The following ATIC variants were observed in gnomAD, a reference collection of about 807,000 sequenced individuals.
ATIC encodes the protein bifunctional purine biosynthesis protein ATIC.
ATIC carries 64 observed loss-of-function variants against 72.5 expected under a neutral mutation model. The ratio of observed to expected loss-of-function variants is 0.88; its 90% CI spans 0.72 to 1.09. The LOEUF (loss-of-function observed/expected upper bound fraction) is 1.09, where lower values mean the gene tolerates loss of function less well. Among genes scored for constraint, ATIC ranks in the 50% least tolerant of loss-of-function variants. ATIC has a pLI of 0.00. For synonymous variants in ATIC, 281 were observed against 267.1 expected (o/e 1.05, Z -0.51); for missense variants, 787 against 732.4 (o/e 1.07, Z -0.86).
In ATIC at chr2:215,319,691, G is replaced by A; in HGVS notation, c.250G>A (p.Asp84Asn). 6.2e-7 allele frequency: 1 copy of A among 1,612,272 alleles called. No individual in the cohort carries two copies. The highest frequency in any genetic ancestry group is 8.5e-7 in the Non-Finnish European group (1 of 1,178,404). ...AGILARNIPE[D>N]NADMARLDFN... The stretch of plus-strand genomic sequence containing the variant: ...AATCCTAGCTCGTAATATTCCAGAA[G>A]ATAATGCTGACATGGCCAGACTTGA... The change falls in exon 4 of 16, where the codon GAT (aspartate) becomes AAT (asparagine). Residue 84 changes from aspartate to asparagine, a missense_variant. Asp to Asn is a conservative substitution (Grantham distance 23, BLOSUM62 1). Coordinates refer to ENST00000236959, the MANE Select transcript of ATIC (RefSeq NM_004044.7).
intron 2 of ATIC, among the ~76,000 whole-genome samples, chr2:215,317,612 A>G (rs1269126517): frequency 2.0e-5 from 3 of 152,012 alleles, no homozygotes; most frequent in African/African-American, 4.8e-5. Flanking sequence ...CAGCCTCCCC[A>G]GTAGCTGGGA....
At chr2:215,360,987 A>G in the ATIC span, 1 of 156,738 alleles carries the variant, frequency 6.4e-6, no homozygotes, top group East Asian at 1.9e-4. Context: ...CTGCATACTA[A>G]GTGTTTTCAA....
intron 8 of ATIC, 112 bp from the exon 9 acceptor site, chr2:215,333,238 C>T (rs986277621): frequency 4.8e-6 from 4 of 832,186 alleles, no homozygotes; most frequent in Admixed American, 1.9e-5. Context: ...TTAGCACAGG[C>T]ACTAGAAAAT....
intron 2 of ATIC, among the ~76,000 whole-genome samples, chr2:215,315,952 C>T (rs2105990621): frequency 6.8e-6 from 1 of 147,070 alleles, no homozygotes; most frequent in Non-Finnish European, 1.5e-5. Flanking sequence ...GAAACACTGT[C>T]TCAAAAAAAA....
chr2:215,325,712 AC>A (rs919954290), intron 5 of ATIC, among the ~76,000 whole-genome samples: 4 of 151,982 alleles, frequency 2.6e-5, no homozygotes, highest in Non-Finnish European at 5.9e-5. Flanking sequence ...ACAGGTGCAC[AC>A]CACCACGCCT....
At chr2:215,328,618 A>ACTTT (rs2052855724) in intron 7 of ATIC, among the ~76,000 whole-genome samples, 1 of 152,048 alleles carries the variant, frequency 6.6e-6, no homozygotes, top group South Asian at 2.1e-4. Flanking sequence ...CTTAGACCAA[A>ACTTT]GTAGCAGCCC....
the ATIC span, chr2:215,361,363 G>A: frequency 3.4e-5 from 22 of 647,960 alleles, no homozygotes; most frequent in African/African-American, 3.8e-4. Flanking sequence ...CCTCATTTAT[G>A]AGAAAACCCT....
rs191031169 is a variant in ATIC, at chr2:215,316,151, C to A, written c.147-2006C>A. 3.3e-5 allele frequency among the ~76,000 whole-genome samples: 5 copies of A among 152,166 alleles called. No homozygotes were observed. The East Asian group carries it at 7.7e-4, about 24-fold the overall frequency. ...AGACTACAGCCATTATGTATAAATT[C>A]TTCAGTTCAAAGGAGTAGCAAGCTT... is the stretch of plus-strand genomic sequence containing the variant. On this transcript the variant is annotated intron_variant, in intron 2 of 15. Coordinates refer to ENST00000236959, the MANE Select transcript of ATIC (RefSeq NM_004044.7).
intron 6 of ATIC, among the ~76,000 whole-genome samples, chr2:215,326,440 A>G (rs2052827090): frequency 6.6e-6 from 1 of 152,024 alleles, no homozygotes; most frequent in African/African-American, 2.4e-5. Context: ...CCCTGTCTCT[A>G]CTGAAAATAC....
In ATIC at chr2:215,327,064, A is replaced by G. The variant is rs1213177342; in HGVS notation, c.688+86A>G. 8.8e-6 allele frequency: 14 copies of G among 1,587,916 alleles called. No individual in the cohort carries two copies. In the Admixed American group the frequency reaches 2.3e-4, roughly 27 times the overall value. On this transcript the variant is annotated intron_variant, in intron 7 of 15. Coordinates refer to ENST00000236959, the MANE Select transcript of ATIC (RefSeq NM_004044.7). ...ATTGCATCTGATGTGGTTCACATTC[A>G]GAAGATGATACATTCCGTAATGCCT...
chr2:215,352,936 C>G (rs1409170127), downstream of ATIC, among the ~76,000 whole-genome samples: 2 of 152,178 alleles, frequency 1.3e-5, no homozygotes, highest in African/African-American at 4.8e-5. Flanking sequence ...TGCCTCTGCT[C>G]CTTTCTTACA....
intron 12 of ATIC, among the ~76,000 whole-genome samples, chr2:215,341,330 A>AGCTGTTGAGAG (rs1575123859): frequency 6.6e-6 from 1 of 151,950 alleles, no homozygotes; most frequent in East Asian, 1.9e-4. Flanking sequence ...CATGTTGAGA[A>AGCTGTTGAGAG]TTGTGCCTAG....
downstream of ATIC, among the ~76,000 whole-genome samples, chr2:215,353,632 G>A (rs184198864): frequency 2.0e-4 from 30 of 151,530 alleles, no homozygotes; most frequent in East Asian, 5.7e-3. Flanking sequence ...CATGCTCTCA[G>A]CTCACTGCAA....
chr2:215,317,118 T>C (rs1236530187), intron 2 of ATIC, among the ~76,000 whole-genome samples: 2 of 152,224 alleles, frequency 1.3e-5, no homozygotes, highest in Admixed American at 6.5e-5. Flanking sequence ...TTACAACTTA[T>C]AAAGTCTGCC....
At chr2:215,368,046 A>T in the ATIC span, 15 of 1,613,636 alleles carry the variant, frequency 9.3e-6, no homozygotes, top group Non-Finnish European at 1.2e-5. Context: ...AAAAGGAAGA[A>T]AAAGCAAAAA....
chr2:215,352,643 A>G (rs1263225125), downstream of ATIC, among the ~76,000 whole-genome samples: 2 of 152,160 alleles, frequency 1.3e-5, no homozygotes, highest in Non-Finnish European at 2.9e-5. Flanking sequence ...GTATATAACC[A>G]CATTCAAGTA....
At chr2:215,327,240 G>A (rs1353775200) in intron 7 of ATIC, among the ~76,000 whole-genome samples, 1 of 152,186 alleles carries the variant, frequency 6.6e-6, no homozygotes, top group African/African-American at 2.4e-5. Context: ...ACATGAGACA[G>A]GATGGGATGG....
intron 14 of ATIC, chr2:215,347,560 C>G (rs1252469630): frequency 2.1e-6 from 1 of 486,022 alleles, no homozygotes; most frequent in Non-Finnish European, 4.1e-6. Flanking sequence ...CAGAAGGCTG[C>G]TAATCAAATA....
chr2:215,355,471 C>T, the ATIC span, among the ~76,000 whole-genome samples: 1 of 152,142 alleles, frequency 6.6e-6, no homozygotes, highest in Non-Finnish European at 1.5e-5. Context: ...AAGGGATCCT[C>T]CATTCTTCCT....
Sources: gnomAD v4.1 joint callset for allele counts (sites outside exome capture counted in the v4.1 genomes callset) on GRCh38, gnomAD v4.1.1 for gene constraint, MANE v1.5 for transcripts, NCBI Gene and HGNC (gene_info 2026-07-23, HGNC 2026-07-21) for gene names.